The following KLHL4 variants were observed in gnomAD, a reference collection of about 807,000 sequenced individuals.
KLHL4 encodes kelch like family member 4, also known as kelch-like protein 4.
Under a neutral mutation model 45.8 loss-of-function variants are expected in KLHL4, and 17 were observed. The observed-to-expected ratio is 0.37, with a 90% CI of 0.25 to 0.56. The LOEUF (loss-of-function observed/expected upper bound fraction) is 0.56. Ranked by LOEUF, KLHL4 falls within the 20% of genes least tolerant of loss-of-function variation. The pLI, the probability that KLHL4 is intolerant of heterozygous loss-of-function variation, is 0.79. For synonymous variants in KLHL4, 224 were observed against 189.9 expected (o/e 1.18, Z -1.47); for missense variants, 544 against 544.9 (o/e 1.00, Z 0.02).
At chrX:87,568,119 C>A (rs1019926041) in intron 1 of KLHL4, among the ~76,000 whole-genome samples, 7 of 110,033 alleles carry the variant, frequency 6.4e-5, no homozygotes, top group Non-Finnish European at 1.1e-4. Flanking sequence ...ACATGATGTA[C>A]CTAGAGGAGT....
chrX:87,609,952 C>G (rs1340758578), intron 1 of KLHL4, among the ~76,000 whole-genome samples: 2 of 111,869 alleles, frequency 1.8e-5, no homozygotes, highest in Non-Finnish European at 3.8e-5. Flanking sequence ...ATGACACAAA[C>G]AGCTACCACT....
intron 9 of KLHL4, among the ~76,000 whole-genome samples, chrX:87,664,015 A>G (rs1221358942): frequency 8.9e-6 from 1 of 111,980 alleles, no homozygotes; most frequent in Non-Finnish European, 1.9e-5. Flanking sequence ...GTGTAATTTT[A>G]TGAGTTTTCT....
intron 1 of KLHL4, among the ~76,000 whole-genome samples, chrX:87,605,237 G>A (rs1922154316): frequency 9.0e-6 from 1 of 111,042 alleles, no homozygotes; most frequent in South Asian, 3.8e-4. Flanking sequence ...GATTCCTTTG[G>A]CTATTCAAGA....
chrX:87,564,325 T>A (rs1202138920), intron 1 of KLHL4, among the ~76,000 whole-genome samples: 1 of 100,326 alleles, frequency 1.0e-5, no homozygotes, highest in Non-Finnish European at 2.0e-5. Flanking sequence ...TGCTTGCTTA[T>A]TTTTTAGTTT....
chrX:87,656,356 T>C (rs1026412900), intron 9 of KLHL4, among the ~76,000 whole-genome samples: 1 of 110,447 alleles, frequency 9.1e-6, no homozygotes. Context: ...GTTCCATACT[T>C]ATCAAAATCT....
intron 1 of KLHL4, among the ~76,000 whole-genome samples, chrX:87,529,521 A>G (rs755293893): frequency 1.2e-4 from 13 of 111,905 alleles, no homozygotes; most frequent in Admixed American, 9.5e-5. Flanking sequence ...TCATGAGAAC[A>G]ATCAGGAAAA....
At chrX:87,538,047 A>G (rs2147771132) in intron 1 of KLHL4, among the ~76,000 whole-genome samples, 1 of 111,982 alleles carries the variant, frequency 8.9e-6, no homozygotes, top group African/African-American at 3.2e-5. Flanking sequence ...TGCTCGGCAT[A>G]GACAACATCA....
chrX:87,585,543 A>G (rs1263647299), intron 1 of KLHL4, among the ~76,000 whole-genome samples: 2 of 111,515 alleles, frequency 1.8e-5, no homozygotes, highest in East Asian at 2.8e-4. Flanking sequence ...TGTTGTTATT[A>G]GATTAAAATA....
At chrX:87,621,098 C>A (rs997698631) in intron 4 of KLHL4, among the ~76,000 whole-genome samples, 1 of 111,306 alleles carries the variant, frequency 9.0e-6, no homozygotes, top group African/African-American at 3.3e-5. Context: ...GTCTGGATAA[C>A]TTTCTTCTTT....
intron 1 of KLHL4, among the ~76,000 whole-genome samples, chrX:87,546,143 G>A (rs936576150): frequency 5.4e-5 from 6 of 112,027 alleles, no homozygotes; most frequent in Non-Finnish European, 9.4e-5. Flanking sequence ...CTAATGAGGA[G>A]CCAAACGTTA....
intron 1 of KLHL4, among the ~76,000 whole-genome samples, chrX:87,542,257 T>C (rs1020699605): frequency 2.7e-5 from 3 of 112,232 alleles, no homozygotes; most frequent in Non-Finnish European, 5.6e-5. Context: ...AGAACCCCTT[T>C]TCTGGGGAGA....
At position 87,668,945 on chromosome X, in the gene KLHL4, G is replaced by A; in HGVS notation, c.*2411G>A. The A allele has an allele frequency of 1.3e-6, 1 of 760,182 alleles. No homozygotes were observed. Among genetic ancestry groups the A allele is most frequent in the Non-Finnish European group, 1.6e-6 (1 of 643,253 alleles). The allele number at this position is 760,182 out of a possible 1,213,427, so 62.6% of individuals were successfully genotyped here. On this transcript the variant is annotated 3_prime_UTR_variant, in exon 11 of 11. Transcript: ENST00000373119. Reference sequence around the variant, plus strand: ...AATGAACTAAGACAATGCCCTAGATGAGCTGCCAAAATCTGAGCAGATATG... The same window carrying A: ...AATGAACTAAGACAATGCCCTAGATAAGCTGCCAAAATCTGAGCAGATATG...
intron 1 of KLHL4, among the ~76,000 whole-genome samples, chrX:87,613,655 T>A (rs911052278): frequency 8.9e-6 from 1 of 111,796 alleles, no homozygotes; most frequent in African/African-American, 3.2e-5. Context: ...CAGATATAAA[T>A]AATAACCAGC....
intron 9 of KLHL4, among the ~76,000 whole-genome samples, chrX:87,636,913 C>T (rs1461328940): frequency 9.0e-6 from 1 of 110,602 alleles, no homozygotes; most frequent in East Asian, 2.9e-4. Flanking sequence ...AAACACAAAG[C>T]TCATAATTTC....
intron 5 of KLHL4, among the ~76,000 whole-genome samples, chrX:87,622,844 A>G (rs1922799102): frequency 9.0e-6 from 1 of 111,631 alleles, no homozygotes; most frequent in Non-Finnish European, 1.9e-5. Context: ...GATCAAAAGA[A>G]TGCTATCATA....
At chrX:87,566,627 G>T (rs904435917) in intron 1 of KLHL4, among the ~76,000 whole-genome samples, 3 of 111,347 alleles carry the variant, frequency 2.7e-5, no homozygotes, top group Non-Finnish European at 5.7e-5. Context: ...TACTGAATAT[G>T]TATCACTGTT....
chrX:87,618,307 G>A (rs1226275073), intron 4 of KLHL4, among the ~76,000 whole-genome samples, 179 bp downstream of exon 4: 1 of 111,841 alleles, frequency 8.9e-6, no homozygotes, highest in African/African-American at 3.2e-5. Flanking sequence ...AATTACAAAT[G>A]TTTAATTAAA....
Position 87,625,648 on chromosome X carries a change from T to A in KLHL4, c.1176T>A (p.Gly392=), listed in dbSNP as rs1233637910. Residue 392 remains glycine, a synonymous_variant, in exon 6 of 11, where the codon GGT becomes GGA. Transcript: ENST00000373119. The part of the protein sequence containing the change: ...ADLETSSMFT[G]DLECQKLLME... ...TTGAAACCAGTTCCATGTTTACTGG[T>A]GATCTTGAGTGTCAGAAGCTCCTGA... The A allele has an allele frequency of 5.0e-6, 6 of 1,207,573 alleles. No individual in the cohort carries two copies. The highest frequency in any genetic ancestry group is 5.6e-6 in the Non-Finnish European group (5 of 893,505).
chrX:87,606,025 C>G (rs964639362), intron 1 of KLHL4, among the ~76,000 whole-genome samples: 2 of 110,894 alleles, frequency 1.8e-5, no homozygotes, highest in African/African-American at 6.5e-5. Context: ...TGCGGTGTAT[C>G]AAATATATTA....
Sources: allele counts gnomAD v4.1 joint callset (sites outside exome capture counted in the v4.1 genomes callset), GRCh38; gene constraint gnomAD v4.1.1; transcripts MANE v1.5; gene names NCBI Gene and HGNC (gene_info 2026-07-23, HGNC 2026-07-21).